DAB1: variants seen among roughly 807,000 people sequenced by gnomAD.
The protein encoded by DAB1 is DAB adaptor protein 1.
A neutral mutation model predicts 64.6 loss-of-function variants in DAB1; 15 were observed. The ratio of observed to expected loss-of-function variants is 0.23; its 90% CI spans 0.16 to 0.36. The LOEUF (loss-of-function observed/expected upper bound fraction) is 0.36, where lower values mean the gene tolerates loss of function less well. DAB1 is among the 10% of genes least tolerant of loss of function. DAB1 has a pLI of 1.00. For synonymous variants in DAB1, 235 were observed against 251.9 expected (o/e 0.93, Z 0.64); for missense variants, 596 against 706.7 (o/e 0.84, Z 1.78).
chr1:58,446,396 A>C (rs1645068127), intron 3 of DAB1, among the ~76,000 whole-genome samples: 2 of 152,246 alleles, frequency 1.3e-5, no homozygotes, highest in East Asian at 3.8e-4. Flanking sequence ...TCCTTCCAGA[A>C]GCTGTTAATA....
intron 2 of DAB1, among the ~76,000 whole-genome samples, chr1:57,259,127 A>G (rs967874901): frequency 6.6e-6 from 1 of 152,204 alleles, no homozygotes; most frequent in Non-Finnish European, 1.5e-5. Context: ...AACCACAGTC[A>G]CAACTCCCTG....
chr1:57,519,122 G>T (rs549472849), intron 7 of DAB1, among the ~76,000 whole-genome samples: 1 of 152,126 alleles, frequency 6.6e-6, no homozygotes, highest in Non-Finnish European at 1.5e-5. Context: ...CCCCCAAAAT[G>T]ACCTCATTAC....
At chr1:57,180,771 T>C (rs1449166440) in intron 2 of DAB1, among the ~76,000 whole-genome samples, 1 of 152,126 alleles carries the variant, frequency 6.6e-6, no homozygotes, top group Admixed American at 6.6e-5. Context: ...CTGGCCCTAC[T>C]CTCTGCATGG....
chr1:57,837,956 A>G (rs961418121), intron 1 of DAB1, among the ~76,000 whole-genome samples: 1 of 151,854 alleles, frequency 6.6e-6, no homozygotes, highest in South Asian at 2.1e-4. Context: ...ATCAGCAACT[A>G]TCTCCATACT....
chr1:57,355,523 C>G (rs1679022340), intron 1 of DAB1, among the ~76,000 whole-genome samples: 2 of 151,926 alleles, frequency 1.3e-5, no homozygotes, highest in African/African-American at 2.4e-5. Context: ...GAGATAAACA[C>G]TAGTGCTATG....
intron 2 of DAB1, among the ~76,000 whole-genome samples, chr1:57,148,843 A>T (rs1443514070): frequency 6.6e-6 from 1 of 152,244 alleles, no homozygotes; most frequent in African/African-American, 2.4e-5. Context: ...TAACAGCTAT[A>T]TTGAGATACA....
chr1:57,023,688 C>T, intron 10 of DAB1, 49 bp from the exon 11 acceptor site: 1 of 1,253,636 alleles, frequency 8.0e-7, no homozygotes. Context: ...GCTTAGCAGT[C>T]ATCAAGGCTG....
At chr1:57,708,167 G>A (rs905080383) in intron 6 of DAB1, among the ~76,000 whole-genome samples, 1 of 152,208 alleles carries the variant, frequency 6.6e-6, no homozygotes, top group Non-Finnish European at 1.5e-5. Flanking sequence ...GACCACTTCA[G>A]TCAACAGGTG....
intron 5 of DAB1, among the ~76,000 whole-genome samples, chr1:58,018,730 T>A (rs888749463): frequency 2.6e-5 from 4 of 152,240 alleles, no homozygotes; most frequent in Admixed American, 2.6e-4. Context: ...AATCACTTCA[T>A]GTTTCCTAAT....
At chr1:57,988,351 G>C (rs1056098941) in intron 5 of DAB1, among the ~76,000 whole-genome samples, 1 of 152,182 alleles carries the variant, frequency 6.6e-6, no homozygotes, top group Admixed American at 6.5e-5. Flanking sequence ...TGTCACCCTG[G>C]CAAGTGACTT....
chr1:57,331,890 T>C (rs1050670748), intron 1 of DAB1, among the ~76,000 whole-genome samples: 7 of 152,194 alleles, frequency 4.6e-5, no homozygotes, highest in Non-Finnish European at 1.5e-5. Context: ...CAGAGGAATC[T>C]TGGGTTCTTG....
At chr1:57,593,450 T>A (rs1455363204) in intron 7 of DAB1, among the ~76,000 whole-genome samples, 1 of 152,238 alleles carries the variant, frequency 6.6e-6, no homozygotes, top group Non-Finnish European at 1.5e-5. Context: ...CTGTGAATAA[T>A]GTTGCTGTGA....
chr1:57,171,486 A>G (rs749937282), intron 2 of DAB1, among the ~76,000 whole-genome samples: 1 of 148,920 alleles, frequency 6.7e-6, no homozygotes, highest in Admixed American at 6.7e-5. Context: ...TCTTTTCCCA[A>G]CTATCTGGGA....
At chr1:57,941,569 GC>G (rs1645105175) in intron 5 of DAB1, among the ~76,000 whole-genome samples, 1 of 152,224 alleles carries the variant, frequency 6.6e-6, no homozygotes, top group Non-Finnish European at 1.5e-5. Context: ...GGGCATGGTG[GC>G]TCACGCCTGT....
chr1:57,658,573 A>AT (rs533484843), intron 6 of DAB1, among the ~76,000 whole-genome samples: 1 of 145,746 alleles, frequency 6.9e-6, no homozygotes, highest in South Asian at 2.2e-4. Flanking sequence ...AAAGTTTCTT[A>AT]TTTTTTTGAG....
At chr1:58,180,291 T>TC (rs1656715798) in intron 4 of DAB1, among the ~76,000 whole-genome samples, 2 of 119,390 alleles carry the variant, frequency 1.7e-5, no homozygotes, top group African/African-American at 7.0e-5. Flanking sequence ...CTTTTTTTTT[T>TC]TTTTTTTTTT....
At chr1:57,941,340 G>C (rs1481611966) in intron 5 of DAB1, among the ~76,000 whole-genome samples, 3 of 152,126 alleles carry the variant, frequency 2.0e-5, no homozygotes, top group Non-Finnish European at 4.4e-5. Context: ...ATTGAGTTTA[G>C]GTTCTAGAGT....
intron 3 of DAB1, among the ~76,000 whole-genome samples, chr1:58,400,638 C>G (rs1644560977): frequency 6.6e-6 from 1 of 151,944 alleles, no homozygotes; most frequent in African/African-American, 2.4e-5. Flanking sequence ...GTCAATTTTG[C>G]CAGGAAAATC....
intron 5 of DAB1, among the ~76,000 whole-genome samples, chr1:58,020,196 C>T (rs891102473): frequency 3.3e-5 from 5 of 152,182 alleles, no homozygotes; most frequent in East Asian, 3.9e-4. Flanking sequence ...AGGAAATGTT[C>T]GCCTGTAATC....
Sources: gnomAD v4.1 joint callset for allele counts (sites outside exome capture counted in the v4.1 genomes callset) on GRCh38, gnomAD v4.1.1 for gene constraint, MANE v1.5 for transcripts, NCBI Gene and HGNC (gene_info 2026-07-23, HGNC 2026-07-21) for gene names.